Variants in NOTCH2NLB observed in about 807,000 individuals in gnomAD.
The protein encoded by NOTCH2NLB is notch homolog 2 N-terminal-like protein B.
In NOTCH2NLB, 1 loss-of-function variant was observed where a neutral mutation model predicts 14.8. The observed-to-expected ratio is 0.07, with a 90% confidence interval of 0.02 to 0.32. The LOEUF (loss-of-function observed/expected upper bound fraction) is 0.32. Among genes scored for constraint, NOTCH2NLB ranks in the 10% least tolerant of loss-of-function variants. The pLI is 1.00. For missense variants in NOTCH2NLB, 11 were observed against 155.0 expected (o/e 0.07, Z 4.93); for synonymous variants, 6 against 57.5 (o/e 0.10, Z 4.05).
intron 1 of NOTCH2NLB, among the ~76,000 whole-genome samples, chr1:148,649,659 C>T (rs1192805300): frequency 0.15 from 22,582 of 150,156 alleles, 624 homozygotes; most frequent in African/African-American, 0.37. Flanking sequence ...TATAGGTGCC[C>T]GCCACCACAA....
intron 3 of NOTCH2NLB, among the ~76,000 whole-genome samples, chr1:148,611,089 T>A (rs1482818057): frequency 3.7e-4 from 1 of 2,724 alleles, no homozygotes; most frequent in African/African-American, 2.2e-3. Flanking sequence ...CTACTTTGCC[T>A]CCTAATAGCA....
chr1:148,609,055 CTTA>C, intron 3 of NOTCH2NLB, among the ~76,000 whole-genome samples: 1 of 125,456 alleles, frequency 8.0e-6, no homozygotes, highest in Middle Eastern at 4.1e-3. Flanking sequence ...GTCTAAGTAG[CTTA>C]TTATTTAAAC....
At chr1:148,703,151 A>G in the NOTCH2NLB span, among the ~76,000 whole-genome samples, 1 of 26,640 alleles carries the variant, frequency 3.8e-5, no homozygotes, top group African/African-American at 1.3e-4. Context: ...TTAGCCGGGC[A>G]TGGTGGCGGG....
chr1:148,636,859 G>C (rs1367620294), intron 2 of NOTCH2NLB, among the ~76,000 whole-genome samples: 1 of 142,840 alleles, frequency 7.0e-6, no homozygotes, highest in African/African-American at 2.7e-5. Flanking sequence ...TGCTGAGGTA[G>C]GGAATCACTC....
the NOTCH2NLB span, among the ~76,000 whole-genome samples, chr1:148,684,915 A>G: frequency 7.2e-6 from 1 of 138,202 alleles, no homozygotes. Context: ...GTGACAGAGC[A>G]AGACCCTGTC....
chr1:148,679,652 C>G (rs1664895463), exon 1 of NOTCH2NLB: 2 of 1,032,660 alleles, frequency 1.9e-6, no homozygotes, highest in Non-Finnish European at 2.4e-6. Context: ...CAGGCCCTGG[C>G]GCTACGCTCC....
At chr1:148,638,590 G>A (rs1222502284) in intron 2 of NOTCH2NLB, among the ~76,000 whole-genome samples, 4 of 148,994 alleles carry the variant, frequency 2.7e-5, no homozygotes, top group Admixed American at 6.6e-5. Context: ...AAAACTAAAT[G>A]AGCAGCCCAT....
intron 1 of NOTCH2NLB, among the ~76,000 whole-genome samples, chr1:148,670,374 G>GA (rs1264503664): frequency 3.4e-5 from 5 of 144,982 alleles, no homozygotes; most frequent in Non-Finnish European, 7.7e-5. Flanking sequence ...CTGATGATAT[G>GA]AAAAAACATT....
intron 2 of NOTCH2NLB, among the ~76,000 whole-genome samples, chr1:148,637,584 T>A (rs1268578741): frequency 1.3e-5 from 2 of 148,574 alleles, no homozygotes; most frequent in Non-Finnish European, 3.0e-5. Context: ...AAATTTTTTT[T>A]AAATTTTGCT....
the NOTCH2NLB span, among the ~76,000 whole-genome samples, chr1:148,688,061 AAAC>A: frequency 7.5e-6 from 1 of 133,810 alleles, no homozygotes; most frequent in Non-Finnish European, 1.6e-5. Flanking sequence ...TCTCAAGAAA[AAAC>A]AAAAATTAAA....
At chr1:148,634,441 GC>G (rs1418974168) in intron 2 of NOTCH2NLB, among the ~76,000 whole-genome samples, 4 of 116,446 alleles carry the variant, frequency 3.4e-5, no homozygotes, top group Non-Finnish European at 7.5e-5. Context: ...TGCTGAGTCA[GC>G]CATGACTTCT....
At chr1:148,606,592 T>A (rs1295038409), downstream of NOTCH2NLB, among the ~76,000 whole-genome samples, 2 of 139,080 alleles carry the variant, frequency 1.4e-5, no homozygotes, top group Admixed American at 1.4e-4. Context: ...CCTCATCATT[T>A]TTATAAGGAG....
In NOTCH2NLB at chr1:148,654,812, T is replaced by A. The variant is rs1338341996; in HGVS notation, c.4-14723A>T. Among the ~76,000 whole-genome samples, 3 of 85,452 alleles carry A rather than the reference T, an allele frequency of 3.5e-5. 1 individual carries two copies. Among genetic ancestry groups the A allele is most frequent in the Non-Finnish European group, 7.7e-5 (3 of 38,730 alleles). 56.1% of individuals were successfully genotyped at this position (85,452 alleles called of 152,430 possible). ...TAAATAATATACTCTATAAATAAAT[T>A]ATCAAAATTCAGGGTATTTGGTGAT... On this transcript the variant is annotated intron_variant, in intron 1 of 4. Coordinates refer to ENST00000593495, the Ensembl canonical transcript of NOTCH2NLB.
the NOTCH2NLB span, among the ~76,000 whole-genome samples, chr1:148,708,239 G>A: frequency 5.4e-5 from 1 of 18,502 alleles, no homozygotes; most frequent in African/African-American, 2.7e-4. Flanking sequence ...TTCTCAGTGA[G>A]ACAAGGGCCT....
chr1:148,613,182 T>C (rs1160930674), intron 3 of NOTCH2NLB, among the ~76,000 whole-genome samples: 273 of 147,406 alleles, frequency 1.9e-3, no homozygotes, highest in African/African-American at 6.7e-3. Context: ...TAAGAGTGTT[T>C]CAGTTGGGGA....
At chr1:148,649,611 C>T (rs1267580198) in intron 1 of NOTCH2NLB, among the ~76,000 whole-genome samples, 40 of 151,338 alleles carry the variant, frequency 2.6e-4, no homozygotes, top group East Asian at 5.8e-4. Flanking sequence ...CCTGGGTTCA[C>T]GCCATTCTCC....
At chr1:148,632,913 C>T (rs1288073675) in intron 2 of NOTCH2NLB, among the ~76,000 whole-genome samples, 4 of 118,924 alleles carry the variant, frequency 3.4e-5, no homozygotes, top group Non-Finnish European at 6.6e-5. Flanking sequence ...CTATTTCATC[C>T]ACAGTTATTA....
At chr1:148,670,578 A>ATATATATG (rs1664757158) in intron 1 of NOTCH2NLB, among the ~76,000 whole-genome samples, 1 of 135,152 alleles carries the variant, frequency 7.4e-6, no homozygotes, top group Non-Finnish European at 1.6e-5. Context: ...ATATATATAT[A>ATATATATG]AATAAATCAA....
the NOTCH2NLB span, among the ~76,000 whole-genome samples, chr1:148,712,483 A>T: frequency 1.3e-5 from 2 of 152,300 alleles, no homozygotes; most frequent in Non-Finnish European, 2.9e-5. Context: ...CCAGATCTAC[A>T]ATGCTATCTC....
Sources: allele counts gnomAD v4.1 joint callset (sites outside exome capture counted in the v4.1 genomes callset), GRCh38; gene constraint gnomAD v4.1.1; transcripts MANE v1.5; gene names NCBI Gene and HGNC (gene_info 2026-07-23, HGNC 2026-07-21).